The following OGFOD1 variants were observed in gnomAD, a reference collection of about 807,000 sequenced individuals.
OGFOD1 encodes the protein prolyl 3-hydroxylase OGFOD1.
Under a neutral mutation model 67.7 loss-of-function variants are expected in OGFOD1, and 54 were observed. The ratio of observed to expected loss-of-function variants is 0.80; its 90% confidence interval spans 0.64 to 1.00. The LOEUF is 1.00. Ranked by LOEUF, OGFOD1 falls within the 50% of genes least tolerant of loss-of-function variation. OGFOD1 has a pLI of 0.00. For synonymous variants in OGFOD1, 221 were observed against 227.0 expected, an observed-to-expected ratio of 0.97 and a Z score of 0.24; for missense variants, 606 against 646.7, an observed-to-expected ratio of 0.94 and a Z score of 0.68.
rs375426172 is a variant in OGFOD1, at chr16:56,467,914, T to C, written c.796T>C (p.Leu266=). Residue 266 remains leucine, a synonymous_variant, in exon 8 of 13, where the codon TTG becomes CTG. Coordinates refer to ENST00000566157, the MANE Select transcript of OGFOD1 (RefSeq NM_018233.4). ...SPHIPQDHEI[L]YDWINPTYLD... ...GCTGCCTCTTCGTAAGCATGAGATTTTGTATGATTGGATCAACCCTACTTA... is the reference window on the plus strand; with the variant it reads ...GCTGCCTCTTCGTAAGCATGAGATTCTGTATGATTGGATCAACCCTACTTA... 2 of 1,567,688 alleles carry C rather than the reference T, an allele frequency of 1.3e-6. No homozygotes were observed. Among genetic ancestry groups the C allele is most frequent in the African/African-American group, 2.7e-5 (2 of 74,044 alleles).
intron 4 of OGFOD1, among the ~76,000 whole-genome samples, chr16:56,462,924 T>C (rs1962762126): frequency 6.6e-6 from 1 of 152,222 alleles, no homozygotes; most frequent in East Asian, 1.9e-4. Context: ...CAGAGTGATA[T>C]ATAAACTCTA....
intron 1 of OGFOD1, among the ~76,000 whole-genome samples, chr16:56,452,761 G>A (rs1245705630): frequency 6.6e-6 from 1 of 152,146 alleles, no homozygotes; most frequent in African/African-American, 2.4e-5. Flanking sequence ...GGAAGCAGTG[G>A]GTAAATGTTG....
At chr16:56,467,419 T>C in intron 7 of OGFOD1, 126 bp downstream of exon 7, 1 of 1,132,228 alleles carries the variant, frequency 8.8e-7, no homozygotes, top group Non-Finnish European at 1.2e-6. Flanking sequence ...ACTTTTCTTT[T>C]TTTTTTCTTC....
Position 56,467,938 on chromosome 16 carries a change from TATCTG to T in OGFOD1, c.821_825del (p.Tyr274Ter). The T allele has an allele frequency of 6.2e-7, 1 of 1,606,312 alleles. No individual in the cohort carries two copies. The highest frequency in any genetic ancestry group is 8.5e-7 in the Non-Finnish European group (1 of 1,172,960). On this transcript the variant is annotated frameshift_variant, in exon 8 of 13. Coordinates refer to ENST00000566157, the MANE Select transcript of OGFOD1 (RefSeq NM_018233.4). LOFTEE classifies it high-confidence loss of function. ...TTTGTATGATTGGATCAACCCTACT[TATCTG>T]GACATGGATTACCAAGTTCAAATTC...
intron 9 of OGFOD1, 132 bp downstream of exon 9, chr16:56,470,214 C>G: frequency 1.3e-6 from 1 of 797,366 alleles, no homozygotes; most frequent in Admixed American, 2.7e-5. Flanking sequence ...GAAAGAAAAT[C>G]AAATAACCAA....
At chr16:56,466,005 A>C in intron 4 of OGFOD1, 147 bp from the exon 5 acceptor site, 1 of 592,764 alleles carries the variant, frequency 1.7e-6, no homozygotes, top group Non-Finnish European at 3.0e-6. Context: ...AAAAGAGGAG[A>C]AATAAGTGTC....
chr16:56,470,634 G>A lies in OGFOD1; in HGVS notation c.1128G>A (p.Met376Ile), dbSNP rs1369585271. The A allele has an allele frequency of 3.7e-6, 6 of 1,614,142 alleles. No individual in the cohort carries two copies. The highest frequency in any genetic ancestry group is 5.1e-6 in the Non-Finnish European group (6 of 1,180,030). The change falls in exon 10 of 13, where the codon ATG (methionine) becomes ATA (isoleucine). Residue 376 changes from methionine (M) to isoleucine (I), a missense_variant. Physicochemically the swap from Met to Ile is conservative, Grantham distance 10. Transcript: ENST00000566157. ...TGGCCCCTTCGGAAGAAGATGAGAT[G>A]AATGATAAAAAAGAGGCAGAAACCA... ...HFLAPSEEDEMNDKKEAETTD... is the reference protein window; with the variant it reads ...HFLAPSEEDEINDKKEAETTD...
rs1370032312 is a variant in OGFOD1 at position 56,473,136 on chromosome 16, T to C, written c.1286-1692T>C. Among the ~76,000 whole-genome samples, 7 of 152,148 alleles carry C rather than the reference T, an allele frequency of 4.6e-5. No homozygotes were observed. In the East Asian group the frequency reaches 1.2e-3, roughly 25 times the overall value. On this transcript the variant is annotated intron_variant, in intron 10 of 12. Transcript: ENST00000566157. ...TAGTAGAGACGGGGTTTCACCGTGT[T>C]AGCCAGGATGGTCTCCATCTCTTGA...
At chr16:56,461,221 G>A (rs1047046016) in intron 3 of OGFOD1, among the ~76,000 whole-genome samples, 3 of 152,216 alleles carry the variant, frequency 2.0e-5, no homozygotes, top group African/African-American at 7.2e-5. Flanking sequence ...CAAGGGAAGA[G>A]AGGCTGGAGG....
rs145169317 is a variant in OGFOD1, at chr16:56,466,889, G to A, written c.579G>A (p.Pro193=). The A allele has an allele frequency of 1.6e-4, 252 of 1,612,864 alleles. No homozygotes were observed. The highest frequency in any genetic ancestry group is 2.0e-4 in the Non-Finnish European group (231 of 1,179,004). The change falls in exon 6 of 13, where the codon CCG becomes CCA. Residue 193 remains proline (P), a synonymous_variant. Coordinates refer to ENST00000566157, the MANE Select transcript of OGFOD1 (RefSeq NM_018233.4). Reference sequence around the variant, plus strand: ...TTCCTGGTGCAGAACACTTTCAGCCGAAGCAGATTGTCAAGTCTCTTATCC... The same window carrying A: ...TTCCTGGTGCAGAACACTTTCAGCCAAAGCAGATTGTCAAGTCTCTTATCC... ...DLYSIDEHFQ[P]KQIVKSLIPS... is the part of the protein sequence containing the mutation.
chr16:56,472,827 C>T (rs930466319), intron 10 of OGFOD1, among the ~76,000 whole-genome samples: 2 of 152,062 alleles, frequency 1.3e-5, no homozygotes, highest in Non-Finnish European at 2.9e-5. Flanking sequence ...TTTCATAAAC[C>T]TCTTTCTGAT....
intron 10 of OGFOD1, among the ~76,000 whole-genome samples, chr16:56,474,455 G>A (rs1309708974): frequency 6.6e-6 from 1 of 151,446 alleles, no homozygotes; most frequent in African/African-American, 2.4e-5. Flanking sequence ...CCGGGTAGCT[G>A]GATTACAGGC....
In OGFOD1 at chr16:56,476,211, C is replaced by A; in HGVS notation, c.*6C>A. On this transcript the variant is annotated 3_prime_UTR_variant, in exon 13 of 13. Coordinates refer to ENST00000566157, the MANE Select transcript of OGFOD1 (RefSeq NM_018233.4). Reference sequence around the variant, plus strand: ...CATTCATCTATTATGAATGACAGCACTGGGCAAAGCTGAACAAAAATGTGA... The same window carrying A: ...CATTCATCTATTATGAATGACAGCAATGGGCAAAGCTGAACAAAAATGTGA... 6.2e-7 allele frequency: 1 copy of A among 1,602,614 alleles called. No individual in the cohort carries two copies.
chr16:56,473,861 C>G (rs1475852275), intron 10 of OGFOD1, among the ~76,000 whole-genome samples: 1 of 151,510 alleles, frequency 6.6e-6, no homozygotes, highest in African/African-American at 2.4e-5. Flanking sequence ...GGCTGGAGTA[C>G]AGTGGTGTGA....
intron 3 of OGFOD1, among the ~76,000 whole-genome samples, chr16:56,460,121 C>T (rs1277004022): frequency 1.3e-5 from 2 of 151,978 alleles, no homozygotes; most frequent in Non-Finnish European, 2.9e-5. Context: ...AGACTTTTTT[C>T]CCCCTAAAGA....
chr16:56,455,181 C>CA lies in OGFOD1; in HGVS notation c.300+1774dup, dbSNP rs1340486632. ...AGGAGATGGAGACCATCCTGGCTAA[C>CA]ACAGTGAAACCCCGTATCTACTAAA... On this transcript the variant is annotated intron_variant, in intron 2 of 12. Coordinates refer to ENST00000566157, the MANE Select transcript of OGFOD1 (RefSeq NM_018233.4). 3.3e-5 allele frequency among the ~76,000 whole-genome samples: 5 copies of CA among 152,232 alleles called. No individual in the cohort carries two copies. In the East Asian group the frequency reaches 9.7e-4, roughly 29 times the overall value.
intron 3 of OGFOD1, among the ~76,000 whole-genome samples, chr16:56,460,075 G>A (rs1962662553): frequency 6.6e-6 from 1 of 152,120 alleles, no homozygotes; most frequent in South Asian, 2.1e-4. Context: ...TATTGCTTGT[G>A]TGTTAATTGT....
Position 56,470,057 on chromosome 16 carries a change from A to G in OGFOD1, c.955A>G (p.Ser319Gly). 6.2e-7 allele frequency: 1 copy of G among 1,614,072 alleles called. No homozygotes were observed. Among genetic ancestry groups the G allele is most frequent in the South Asian group, 1.1e-5 (1 of 91,082 alleles). ...EALEHGHVEW[S>G]SRGPPNKRFY... The stretch of plus-strand genomic sequence containing the variant: ...CTTGGAGCATGGACATGTGGAATGG[A>G]GCAGCCGAGGTCCCCCTAACAAAAG... Residue 319 changes from serine (S) to glycine (G), a missense_variant, in exon 9 of 13, where the codon AGC becomes GGC. Coordinates refer to ENST00000566157, the MANE Select transcript of OGFOD1 (RefSeq NM_018233.4).
At chr16:56,470,415 G>A (rs1003166393) in intron 9 of OGFOD1, 72 bp from the exon 10 acceptor site, 17 of 1,337,686 alleles carry the variant, frequency 1.3e-5, no homozygotes, top group South Asian at 2.8e-5. Context: ...CAAAGCTAAC[G>A]ATCAGCTTTT....
Sources: allele counts gnomAD v4.1 joint callset (sites outside exome capture counted in the v4.1 genomes callset), GRCh38; gene constraint gnomAD v4.1.1; transcripts MANE v1.5; gene names NCBI Gene and HGNC (gene_info 2026-07-23, HGNC 2026-07-21).